Variants in NPAS2 observed in about 807,000 individuals in gnomAD.
The protein encoded by NPAS2 is neuronal PAS domain-containing protein 2.
In NPAS2, 23 loss-of-function variants were observed where a neutral mutation model predicts 107.5. The observed-to-expected ratio is 0.21, with a 90% CI of 0.15 to 0.30. NPAS2 has a LOEUF of 0.30. Ranked by LOEUF, NPAS2 falls within the 10% of genes least tolerant of loss-of-function variation. The pLI is 1.00. For missense variants in NPAS2, 756 were observed against 1,043.3 expected (o/e 0.72, Z 3.79); for synonymous variants, 403 against 417.5 (o/e 0.97, Z 0.42).
At chr2:100,885,270 A>G (rs1680626768) in intron 1 of NPAS2, among the ~76,000 whole-genome samples, 1 of 152,162 alleles carries the variant, frequency 6.6e-6, no homozygotes, top group Non-Finnish European at 1.5e-5. Flanking sequence ...ATTCTTAATG[A>G]AAGAGGGAAT....
At chr2:100,979,707 T>C (rs933941745) in intron 15 of NPAS2, among the ~76,000 whole-genome samples, 4 of 151,882 alleles carry the variant, frequency 2.6e-5, no homozygotes, top group African/African-American at 9.7e-5. Context: ...ATTTTGTATT[T>C]TTTGTGGAGA....
intron 2 of NPAS2, among the ~76,000 whole-genome samples, chr2:100,920,995 T>C (rs993991982): frequency 2.0e-5 from 3 of 152,242 alleles, no homozygotes; most frequent in Non-Finnish European, 4.4e-5. Flanking sequence ...AGCCTCCTGT[T>C]AGTGTGTGGC....
chr2:100,952,640 A>C (rs1355998125), intron 7 of NPAS2, among the ~76,000 whole-genome samples: 1 of 152,168 alleles, frequency 6.6e-6, no homozygotes, highest in Non-Finnish European at 1.5e-5. Context: ...TCCTTTGTGA[A>C]TTTACATTTC....
chr2:100,989,602 GC>G (rs1288324865), intron 17 of NPAS2: 2 of 152,246 alleles, frequency 1.3e-5, no homozygotes, highest in Non-Finnish European at 2.9e-5. Flanking sequence ...CAAAGCAGGT[GC>G]AAGCCCACTT....
chr2:100,985,830 C>T (rs765331120), intron 16 of NPAS2: 37 of 151,842 alleles, frequency 2.4e-4, no homozygotes, highest in Non-Finnish European at 4.0e-4. Context: ...TTAAAATTGC[C>T]GAAGGCCATA....
At chr2:100,847,374 AT>A (rs879848513) in intron 1 of NPAS2, among the ~76,000 whole-genome samples, 242 of 148,308 alleles carry the variant, frequency 1.6e-3, no homozygotes, top group African/African-American at 4.4e-3. Context: ...ATAAAAATGA[AT>A]TTTTTTTTTT....
chr2:100,827,025 C>T (rs763070945), intron 1 of NPAS2, among the ~76,000 whole-genome samples: 4 of 152,112 alleles, frequency 2.6e-5, no homozygotes, highest in African/African-American at 4.8e-5. Context: ...GGGAGTGTAT[C>T]GATGGTACAT....
intron 1 of NPAS2, among the ~76,000 whole-genome samples, chr2:100,864,174 A>G (rs1679110594): frequency 6.6e-6 from 1 of 152,194 alleles, no homozygotes; most frequent in African/African-American, 2.4e-5. Context: ...TTCAGAGCCC[A>G]TGTGGGATAC....
chr2:100,890,453 A>G (rs987307432), intron 1 of NPAS2, among the ~76,000 whole-genome samples: 105 of 152,232 alleles, frequency 6.9e-4, no homozygotes, highest in African/African-American at 2.4e-3. Context: ...ACCCTAGCCT[A>G]CGGGGAATCT....
chr2:100,982,422 G>A, intron 16 of NPAS2, 45 bp downstream of exon 16: 2 of 1,601,608 alleles, frequency 1.2e-6, no homozygotes, highest in Non-Finnish European at 1.7e-6. Flanking sequence ...TGCTGTGTGG[G>A]AAGGGGTCCT....
intron 2 of NPAS2, among the ~76,000 whole-genome samples, chr2:100,921,377 C>T (rs1163877087): frequency 6.6e-6 from 1 of 152,178 alleles, no homozygotes; most frequent in Non-Finnish European, 1.5e-5. Flanking sequence ...TAGTAAGTGC[C>T]CAGCAAATAT....
At chr2:100,844,268 CG>C (rs1347659647) in intron 1 of NPAS2, among the ~76,000 whole-genome samples, 1 of 152,028 alleles carries the variant, frequency 6.6e-6, no homozygotes, top group African/African-American at 2.4e-5. Flanking sequence ...AGGGGAGGCT[CG>C]GGGCTCAGAA....
intron 4 of NPAS2, chr2:100,934,153 AT>A (rs1684159128): frequency 3.3e-5 from 5 of 152,260 alleles, no homozygotes; most frequent in Admixed American, 3.3e-4. Flanking sequence ...GAAGCAATGC[AT>A]TTTTAAGTAT....
chr2:100,911,837 A>G (rs1037490241), intron 2 of NPAS2, among the ~76,000 whole-genome samples: 3 of 152,098 alleles, frequency 2.0e-5, no homozygotes, highest in African/African-American at 7.2e-5. Context: ...TCACCGTGTT[A>G]GCCAGGCTGG....
At chr2:100,869,704 C>T (rs1364691213) in intron 1 of NPAS2, among the ~76,000 whole-genome samples, 1 of 152,162 alleles carries the variant, frequency 6.6e-6, no homozygotes, top group African/African-American at 2.4e-5. Context: ...TGAGGTCGAG[C>T]TTTACAAGCA....
At position 100,927,813 on chromosome 2, in the gene NPAS2, C is replaced by A. The variant is rs187302393; in HGVS notation, c.181+2519C>A. ...TTTTACCTGTTAGTGTGTGGTCACACCTACCCTGCCAGTCACCCAGGATGT... is the reference window on the plus strand; with the variant it reads ...TTTTACCTGTTAGTGTGTGGTCACAACTACCCTGCCAGTCACCCAGGATGT... On this transcript the variant is annotated intron_variant, in intron 3 of 20. Transcript: ENST00000335681. Among the ~76,000 whole-genome samples, 991 of 152,332 alleles carry A rather than the reference C, an allele frequency of 6.5e-3. 10 individuals are homozygous for A. Among genetic ancestry groups the A allele is most frequent in the African/African-American group, 0.022 (909 of 41,568 alleles).
chr2:100,940,244 TGGGGCTTACCCCA>T (rs1674495625), intron 5 of NPAS2, among the ~76,000 whole-genome samples: 1 of 152,182 alleles, frequency 6.6e-6, no homozygotes, highest in Non-Finnish European at 1.5e-5. Context: ...AGAGGCACAG[TGGGGCTTACCCCA>T]GGGGTAGCTG....
At chr2:100,831,256 A>G (rs947295654) in intron 1 of NPAS2, among the ~76,000 whole-genome samples, 2 of 152,152 alleles carry the variant, frequency 1.3e-5, no homozygotes, top group Non-Finnish European at 2.9e-5. Flanking sequence ...AGATTGCGCC[A>G]TTGCACTCCA....
At chr2:100,929,556 A>G (rs1193981191) in intron 3 of NPAS2, among the ~76,000 whole-genome samples, 2 of 152,216 alleles carry the variant, frequency 1.3e-5, no homozygotes, top group Non-Finnish European at 2.9e-5. Flanking sequence ...GTGGGACCAC[A>G]ATGGGATACC....
Sources: allele counts gnomAD v4.1 joint callset (sites outside exome capture counted in the v4.1 genomes callset), GRCh38; gene constraint gnomAD v4.1.1; transcripts MANE v1.5; gene names NCBI Gene and HGNC (gene_info 2026-07-23, HGNC 2026-07-21).